Variants in HAO1 observed in about 807,000 individuals in gnomAD.
HAO1 encodes 2-Hydroxyacid oxidase 1.
Under a neutral mutation model 39.7 loss-of-function variants are expected in HAO1, and 34 were observed. That is an observed-to-expected ratio of 0.86 (90% CI 0.65 to 1.14). HAO1 has a LOEUF of 1.14. Among genes scored for constraint, HAO1 ranks in the 50% most tolerant of loss-of-function variants. HAO1 has a pLI of 0.00. For synonymous variants in HAO1, 172 were observed against 173.2 expected, an observed-to-expected ratio of 0.99 and a Z score of 0.05; for missense variants, 479 against 464.5, an observed-to-expected ratio of 1.03 and a Z score of -0.29.
chr20:7,907,330 A>G (rs565079640), intron 3 of HAO1, among the ~76,000 whole-genome samples: 4 of 152,240 alleles, frequency 2.6e-5, no homozygotes, highest in Admixed American at 2.0e-4. Flanking sequence ...GACTGGAGGC[A>G]TTAGGGATGT....
intron 4 of HAO1, 114 bp downstream of exon 4, chr20:7,906,040 T>C (rs2050246012): frequency 2.6e-6 from 2 of 763,102 alleles, no homozygotes; most frequent in African/African-American, 1.8e-5. Context: ...AGTTGGAATG[T>C]CTCTCTCAAT....
chr20:7,940,456 G>A lies in HAO1; in HGVS notation c.-34C>T, dbSNP rs753001525. On this transcript the variant is annotated 5_prime_UTR_variant, in exon 1 of 8. It adds an upstream start codon to the 5' untranslated region. Transcript: ENST00000378789. Reference sequence around the variant, plus strand: ...GTTATTGCTATCCCAGATGGAGTTCGTTGTTTTTTTTTTTTTAATGTATTG... The same window carrying A: ...GTTATTGCTATCCCAGATGGAGTTCATTGTTTTTTTTTTTTTAATGTATTG... 21 of 1,535,808 alleles carry A rather than the reference G, an allele frequency of 1.4e-5. No individual in the cohort carries two copies. Among genetic ancestry groups the A allele is most frequent in the East Asian group, 7.2e-5 (3 of 41,506 alleles).
intron 4 of HAO1, among the ~76,000 whole-genome samples, chr20:7,899,700 T>G (rs138885019): frequency 1.3e-3 from 201 of 152,326 alleles, no homozygotes; most frequent in African/African-American, 4.1e-3. Context: ...TTTTATTAGC[T>G]GCTTATGCAG....
At chr20:7,919,988 T>A (rs1047529139) in intron 2 of HAO1, among the ~76,000 whole-genome samples, 1 of 152,166 alleles carries the variant, frequency 6.6e-6, no homozygotes, top group Non-Finnish European at 1.5e-5. Context: ...TTAGACAAGC[T>A]AATGACCATA....
chr20:7,934,416 G>A (rs573657972), intron 2 of HAO1, 68 bp downstream of exon 2: 2 of 1,152,030 alleles, frequency 1.7e-6, no homozygotes, highest in African/African-American at 3.2e-5. Context: ...TTTGCTTGGT[G>A]CATTCAGAGA....
intron 2 of HAO1, among the ~76,000 whole-genome samples, chr20:7,933,144 T>C (rs1444444231): frequency 6.6e-6 from 1 of 152,364 alleles, no homozygotes; most frequent in South Asian, 2.1e-4. Context: ...TTCCTATTTA[T>C]ATCTTTTGTT....
chr20:7,917,878 G>A (rs2050314313), intron 2 of HAO1, among the ~76,000 whole-genome samples: 1 of 152,158 alleles, frequency 6.6e-6, no homozygotes, highest in South Asian at 2.1e-4. Context: ...CTGACTTGCA[G>A]GAAATGTAAG....
At chr20:7,893,171 T>C (rs6133511) in intron 5 of HAO1, among the ~76,000 whole-genome samples, 11,854 of 152,110 alleles carry the variant, frequency 0.078, 1,044 homozygotes, top group East Asian at 0.42. Flanking sequence ...CCCAAAACTC[T>C]CCCACTCCCA....
intron 3 of HAO1, among the ~76,000 whole-genome samples, chr20:7,913,169 T>TG (rs1281903705): frequency 7.8e-6 from 1 of 127,572 alleles, no homozygotes; most frequent in African/African-American, 3.6e-5. Flanking sequence ...CCTAGTTTTT[T>TG]GTTTTTTTTT....
intron 2 of HAO1, among the ~76,000 whole-genome samples, chr20:7,931,787 T>A (rs1346959853): frequency 2.0e-5 from 3 of 152,046 alleles, no homozygotes; most frequent in African/African-American, 7.2e-5. Flanking sequence ...TCAGCCCAAC[T>A]CCACCAAGAA....
intron 2 of HAO1, among the ~76,000 whole-genome samples, chr20:7,922,861 A>G (rs2050340891): frequency 1.3e-5 from 2 of 152,158 alleles, no homozygotes; most frequent in South Asian, 4.1e-4. Flanking sequence ...AAAATAAATG[A>G]GATTAATATC....
At chr20:7,917,100 G>A (rs2050310319) in intron 2 of HAO1, among the ~76,000 whole-genome samples, 1 of 152,126 alleles carries the variant, frequency 6.6e-6, no homozygotes, top group African/African-American at 2.4e-5. Flanking sequence ...AGCACTTTGG[G>A]AGGCCAAGGT....
In HAO1 at chr20:7,914,414, G is replaced by A. The variant is rs1265702438; in HGVS notation, c.295C>T (p.Gln99Ter). 1 of 1,612,996 alleles carries A rather than the reference G, an allele frequency of 6.2e-7. No homozygotes were observed. The highest frequency in any genetic ancestry group is 1.7e-5 in the Admixed American group (1 of 59,996). ...DGELATVRACQSLGTGMMLSS... is the reference protein window; with the variant it reads ...DGELATVRAC ...AACATCATGCCCGTTCCCAGGGACT[G>A]ACAGGCTGAGAAAGAAAGGGGATGA... is the stretch of plus-strand genomic sequence containing the variant. Residue 99 changes from glutamine to a stop codon, truncating the protein, a stop_gained, in exon 3 of 8, where the codon CAG (glutamine) becomes TAG (stop). Coordinates refer to ENST00000378789, the MANE Select transcript of HAO1 (RefSeq NM_017545.3). LOFTEE classifies it high-confidence loss of function.
Position 7,912,597 on chromosome 20 carries a change from A to C in HAO1, c.545+1567T>G, listed in dbSNP as rs988059506. Among the ~76,000 whole-genome samples the C allele has an allele frequency of 3.3e-5, 5 of 151,100 alleles. No homozygotes were observed. The South Asian group carries it at 1.1e-3, about 32-fold the overall frequency. On this transcript the variant is annotated intron_variant, in intron 3 of 7. Coordinates refer to ENST00000378789, the MANE Select transcript of HAO1 (RefSeq NM_017545.3). The stretch of plus-strand genomic sequence containing the variant: ...AAAGTCTTTAAAAAAAAAAAAAAGT[A>C]GTCAAAATAGAGAAATAATGTAAAT...
chr20:7,900,298 C>A (rs1390119877), intron 4 of HAO1, among the ~76,000 whole-genome samples: 2 of 152,130 alleles, frequency 1.3e-5, no homozygotes, highest in Non-Finnish European at 1.5e-5. Flanking sequence ...GACCCTCCAC[C>A]AGCAAGAAGA....
At chr20:7,934,894 TC>T (rs1167755266) in intron 1 of HAO1, among the ~76,000 whole-genome samples, 4 of 152,210 alleles carry the variant, frequency 2.6e-5, no homozygotes, top group African/African-American at 9.7e-5. Context: ...CTCATTTTAG[TC>T]TGCAGTTTTG....
rs777679897 is a variant in HAO1 at position 7,914,141 on chromosome 20, G to A, written c.545+23C>T. ...GTCAAGATCCCTTTCGCCTCAGCTC[G>A]GGGCCCACATGATCATGGTTACCTG... On this transcript the variant is annotated intron_variant, in intron 3 of 7. Coordinates refer to ENST00000378789, the MANE Select transcript of HAO1 (RefSeq NM_017545.3). 1.2e-5 allele frequency: 20 copies of A among 1,611,802 alleles called. No individual in the cohort carries two copies. The East Asian group carries it at 1.3e-4, about 11-fold the overall frequency.
chr20:7,907,711 G>A (rs1156365550), intron 3 of HAO1, among the ~76,000 whole-genome samples: 1 of 152,096 alleles, frequency 6.6e-6, no homozygotes, highest in Non-Finnish European at 1.5e-5. Context: ...GGCTTCCCCT[G>A]TGCCTGAGGT....
intron 2 of HAO1, among the ~76,000 whole-genome samples, chr20:7,933,366 T>C (rs972471590): frequency 3.9e-5 from 6 of 152,216 alleles, no homozygotes; most frequent in Non-Finnish European, 5.9e-5. Context: ...TCTAAGGTTG[T>C]TGCCTATAGT....
Sources: allele counts gnomAD v4.1 joint callset (sites outside exome capture counted in the v4.1 genomes callset), GRCh38; gene constraint gnomAD v4.1.1; transcripts MANE v1.5; gene names NCBI Gene and HGNC (gene_info 2026-07-23, HGNC 2026-07-21).